SLC35F3: variants seen among roughly 807,000 people sequenced by gnomAD.
The protein encoded by SLC35F3 is putative thiamine transporter SLC35F3.
SLC35F3 carries 25 observed loss-of-function variants against 49.9 expected under a neutral mutation model. That is an observed-to-expected ratio of 0.50 (90% confidence interval 0.37 to 0.70). The LOEUF is 0.70. Ranked by LOEUF, SLC35F3 falls within the 30% of genes least tolerant of loss-of-function variation. The pLI is 0.00. For missense variants in SLC35F3, 525 were observed against 639.8 expected, an observed-to-expected ratio of 0.82 and a Z score of 1.94; for synonymous variants, 275 against 265.4, an observed-to-expected ratio of 1.04 and a Z score of -0.35.
intron 2 of SLC35F3, among the ~76,000 whole-genome samples, chr1:233,906,032 A>G (rs902562531): frequency 6.6e-6 from 1 of 152,060 alleles, no homozygotes; most frequent in Admixed American, 6.5e-5. Flanking sequence ...TACGGAGGAC[A>G]CTCCTATGTG....
intron 2 of SLC35F3, among the ~76,000 whole-genome samples, chr1:234,167,425 C>T (rs1288066103): frequency 6.6e-6 from 1 of 152,136 alleles, no homozygotes; most frequent in Admixed American, 6.6e-5. Flanking sequence ...ATGTGCATGA[C>T]TCACCACAAA....
chr1:234,278,172 A>G (rs1408429753), intron 3 of SLC35F3, among the ~76,000 whole-genome samples: 1 of 152,104 alleles, frequency 6.6e-6, no homozygotes, highest in Non-Finnish European at 1.5e-5. Flanking sequence ...CAGTCTGGGC[A>G]ATAAAGCAAG....
chr1:234,280,705 G>T (rs1668309216), intron 3 of SLC35F3, among the ~76,000 whole-genome samples: 1 of 152,184 alleles, frequency 6.6e-6, no homozygotes, highest in Non-Finnish European at 1.5e-5. Flanking sequence ...TGCTGGTGTG[G>T]TACTAAGCAC....
At chr1:234,068,563 G>C (rs562136703) in intron 2 of SLC35F3, among the ~76,000 whole-genome samples, 3 of 152,032 alleles carry the variant, frequency 2.0e-5, no homozygotes, top group African/African-American at 7.2e-5. Context: ...TGCTGTCCCT[G>C]AAACAGAAGT....
At chr1:234,082,204 C>T (rs1018218060) in intron 2 of SLC35F3, among the ~76,000 whole-genome samples, 2 of 152,080 alleles carry the variant, frequency 1.3e-5, no homozygotes, top group African/African-American at 4.8e-5. Flanking sequence ...AATTGTAGAT[C>T]AGTTTTCTGC....
At chr1:233,974,978 A>G (rs1663056125) in intron 2 of SLC35F3, among the ~76,000 whole-genome samples, 2 of 152,248 alleles carry the variant, frequency 1.3e-5, no homozygotes, top group Non-Finnish European at 2.9e-5. Flanking sequence ...AGACATCAAG[A>G]TAAGCTATGT....
chr1:234,214,200 T>C lies in SLC35F3; in HGVS notation c.284-17217T>C. 1 of 1,147,602 alleles carries C rather than the reference T, an allele frequency of 8.7e-7. No individual in the cohort carries two copies. The highest frequency in any genetic ancestry group is 1.1e-6 in the Non-Finnish European group (1 of 934,112). The allele number at this position is 1,147,602 out of a possible 1,614,324, so 71.1% of individuals were successfully genotyped here. ...TGAGCTGCGGGGTGGGAGCAGGGAGTGCACTTGTACGTGACGTTGGAGTTT... is the reference window on the plus strand; with the variant it reads ...TGAGCTGCGGGGTGGGAGCAGGGAGCGCACTTGTACGTGACGTTGGAGTTT... On this transcript the variant is annotated intron_variant, in intron 2 of 7. Transcript: ENST00000366618. This position sits in a 1 kb window ranked among gnomAD's most constrained non-coding sequence, Gnocchi z 8.0.
chr1:234,130,944 A>G (rs80156541), intron 2 of SLC35F3, among the ~76,000 whole-genome samples: 1 of 151,920 alleles, frequency 6.6e-6, no homozygotes, highest in Non-Finnish European at 1.5e-5. Context: ...GATAAAAAAA[A>G]TTTATATATT....
At chr1:234,178,196 C>T (rs1666503869) in intron 2 of SLC35F3, among the ~76,000 whole-genome samples, 1 of 152,126 alleles carries the variant, frequency 6.6e-6, no homozygotes, top group Non-Finnish European at 1.5e-5. Flanking sequence ...CCAGTGGGCC[C>T]ATCACCCCAC....
chr1:234,119,538 GC>G (rs1665542506), intron 2 of SLC35F3, among the ~76,000 whole-genome samples: 1 of 152,152 alleles, frequency 6.6e-6, no homozygotes, highest in African/African-American at 2.4e-5. Context: ...ATGCAGGGAG[GC>G]GAGTCCTTTC....
chr1:233,917,365 C>T (rs1159152998), intron 2 of SLC35F3, among the ~76,000 whole-genome samples: 1 of 152,162 alleles, frequency 6.6e-6, no homozygotes, highest in East Asian at 1.9e-4. Context: ...TTTTTCTCTT[C>T]CTTTGGAAAC....
intron 2 of SLC35F3, among the ~76,000 whole-genome samples, chr1:234,128,893 T>G (rs1201851043): frequency 6.6e-6 from 1 of 152,164 alleles, no homozygotes; most frequent in Non-Finnish European, 1.5e-5. Flanking sequence ...GTTCTAAAGG[T>G]AATTGAGCAA....
At chr1:234,290,634 A>G (rs1558099912) in intron 3 of SLC35F3, among the ~76,000 whole-genome samples, 1 of 152,230 alleles carries the variant, frequency 6.6e-6, no homozygotes, top group Non-Finnish European at 1.5e-5. Context: ...CCCACCCTGG[A>G]TGGGCCCTGG....
At chr1:234,051,778 G>C (rs1369530959) in intron 2 of SLC35F3, among the ~76,000 whole-genome samples, 9 of 152,144 alleles carry the variant, frequency 5.9e-5, no homozygotes, top group Non-Finnish European at 1.2e-4. Flanking sequence ...CTGTGGGTTT[G>C]TCATAAATAG....
chr1:234,260,653 C>T (rs895520733), intron 3 of SLC35F3, among the ~76,000 whole-genome samples: 5 of 152,198 alleles, frequency 3.3e-5, no homozygotes, highest in African/African-American at 1.2e-4. Context: ...GGACAGCCTG[C>T]TTAACTTTGC....
Position 234,231,875 on chromosome 1 carries a change from C to T in SLC35F3, c.608+134C>T. ...CCGTGGAGAGATGTTGCAGTGAATG[C>T]ACCTGCTCTCAGTGGGGTCGGGAGC... On this transcript the variant is annotated intron_variant, in intron 3 of 7. Coordinates refer to ENST00000366618, the MANE Select transcript of SLC35F3 (RefSeq NM_173508.4). The surrounding 1 kb of genome is among the most constrained non-coding windows in gnomAD (Gnocchi z 5.4). 1.2e-6 allele frequency: 1 copy of T among 831,998 alleles called. No homozygotes were observed. The highest frequency in any genetic ancestry group is 1.9e-6 in the Non-Finnish European group (1 of 524,540). The allele number at this position is 831,998 out of a possible 1,614,324, so 51.5% of individuals were successfully genotyped here. A position where few individuals can be genotyped will look rare whatever the true frequency, so the allele number is the denominator to read the frequency against.
At chr1:233,920,312 T>C (rs1662038581) in intron 2 of SLC35F3, among the ~76,000 whole-genome samples, 1 of 152,240 alleles carries the variant, frequency 6.6e-6, no homozygotes, top group African/African-American at 2.4e-5. Context: ...GAATGAAATA[T>C]GCACAAGGTC....
At chr1:234,297,016 A>G (rs1333809783) in intron 3 of SLC35F3, among the ~76,000 whole-genome samples, 1 of 152,240 alleles carries the variant, frequency 6.6e-6, no homozygotes, top group Non-Finnish European at 1.5e-5. Context: ...ATTTCTCCAA[A>G]GAAGACATAC....
At chr1:234,049,690 A>G (rs1223454238) in intron 2 of SLC35F3, among the ~76,000 whole-genome samples, 2 of 152,076 alleles carry the variant, frequency 1.3e-5, no homozygotes, top group Non-Finnish European at 2.9e-5. Flanking sequence ...CACAACATGC[A>G]GGTTTGTTAC....
Sources: allele counts gnomAD v4.1 joint callset (sites outside exome capture counted in the v4.1 genomes callset), GRCh38; gene constraint gnomAD v4.1.1; non-coding constraint Gnocchi (gnomAD v3.1); transcripts MANE v1.5; gene names NCBI Gene and HGNC (gene_info 2026-07-23, HGNC 2026-07-21).